The following SNX4 variants were observed in gnomAD, a reference collection of about 807,000 sequenced individuals.
The protein encoded by SNX4 is sorting nexin 4.
SNX4 carries 49 observed loss-of-function variants against 70.8 expected under a neutral mutation model. The ratio of observed to expected loss-of-function variants is 0.69; its 90% CI spans 0.55 to 0.88. The LOEUF (loss-of-function observed/expected upper bound fraction) is 0.88, where lower values mean the gene tolerates loss of function less well. SNX4 is among the 40% of genes least tolerant of loss of function. The pLI is 0.00. For synonymous variants in SNX4, 206 were observed against 183.8 expected, an observed-to-expected ratio of 1.12 and a Z score of -0.98; for missense variants, 528 against 544.8, an observed-to-expected ratio of 0.97 and a Z score of 0.31.
At chr3:125,453,730 A>AAAAG (rs1553724694) in intron 12 of SNX4, 80 bp downstream of exon 12, 2 of 1,327,620 alleles carry the variant, frequency 1.5e-6, no homozygotes, top group African/African-American at 3.0e-5. Flanking sequence ...AATTGTTACC[A>AAAAG]AAATAAATAA....
intron 1 of SNX4, among the ~76,000 whole-genome samples, chr3:125,519,306 C>A (rs538120321): frequency 6.6e-6 from 1 of 152,164 alleles, no homozygotes; most frequent in South Asian, 2.1e-4. Flanking sequence ...TACATTTTTC[C>A]CCTTTTCCTC....
chr3:125,460,655 T>C (rs2107530075), intron 10 of SNX4, 116 bp downstream of exon 10: 2 of 477,882 alleles, frequency 4.2e-6, no homozygotes, highest in South Asian at 8.2e-5. Flanking sequence ...ACCTCATTCA[T>C]TATCTGAGGG....
Position 125,478,551 on chromosome 3 carries a change from A to T in SNX4, c.726+1696T>A, listed in dbSNP as rs533147824. Among the ~76,000 whole-genome samples the T allele has an allele frequency of 9.9e-5, 15 of 151,856 alleles. 1 individual carries two copies. The highest frequency in any genetic ancestry group is 3.4e-4 in the African/African-American group (14 of 41,430). The stretch of plus-strand genomic sequence containing the variant: ...TATGAATCATGACTGCTCAAGGGAG[A>T]TACGGTTTGCAGTAGGGAACATCTT... On this transcript the variant is annotated intron_variant, in intron 7 of 13. Transcript: ENST00000251775.
rs536947662 is a variant in SNX4 at position 125,486,578 on chromosome 3, A to T, written c.653+2830T>A. Among the ~76,000 whole-genome samples, 5 of 152,302 alleles carry T rather than the reference A, an allele frequency of 3.3e-5. No homozygotes were observed. The South Asian group carries it at 8.3e-4, about 25-fold the overall frequency. On this transcript the variant is annotated intron_variant, in intron 6 of 13. Coordinates refer to ENST00000251775, the MANE Select transcript of SNX4 (RefSeq NM_003794.4). The stretch of plus-strand genomic sequence containing the variant: ...GAGGCGGAGCTTGCAGTGAGCTGAG[A>T]TAGCAGCACTGCACTCCAGCCTGGG...
chr3:125,483,262 T>C (rs1934456392), intron 6 of SNX4, among the ~76,000 whole-genome samples: 1 of 152,082 alleles, frequency 6.6e-6, no homozygotes, highest in South Asian at 2.1e-4. Flanking sequence ...TTAGAAGTTT[T>C]ATGATTTGAA....
chr3:125,519,363 TG>T (rs1376928511), intron 1 of SNX4, among the ~76,000 whole-genome samples: 2 of 152,282 alleles, frequency 1.3e-5, no homozygotes, highest in Middle Eastern at 3.4e-3. Context: ...AAAAAGTACA[TG>T]GGTTATCAAT....
chr3:125,490,562 G>T (rs1579997440), intron 5 of SNX4, among the ~76,000 whole-genome samples: 1 of 144,808 alleles, frequency 6.9e-6, no homozygotes, highest in South Asian at 2.3e-4. Flanking sequence ...CATGTACTAA[G>T]TAACACTCTA....
At chr3:125,493,596 G>A (rs1437855487) in intron 5 of SNX4, among the ~76,000 whole-genome samples, 1 of 149,370 alleles carries the variant, frequency 6.7e-6, no homozygotes, top group Non-Finnish European at 1.5e-5. Context: ...GGAGCTTGCA[G>A]TGAACCGAGA....
intron 13 of SNX4, among the ~76,000 whole-genome samples, chr3:125,450,426 C>T (rs1933543859): frequency 6.6e-6 from 1 of 152,084 alleles, no homozygotes; most frequent in African/African-American, 2.4e-5. Flanking sequence ...AATTTTGGGA[C>T]AAACTAAAGC....
chr3:125,480,362 C>A, intron 6 of SNX4, 43 bp from the exon 7 acceptor site: 1 of 1,318,964 alleles, frequency 7.6e-7, no homozygotes. Flanking sequence ...CAAATGAAAA[C>A]AAGCAGTCAA....
intron 9 of SNX4, among the ~76,000 whole-genome samples, chr3:125,462,310 C>T (rs1196514438): frequency 6.6e-6 from 1 of 151,938 alleles, no homozygotes; most frequent in Non-Finnish European, 1.5e-5. Context: ...AATCTAGTGA[C>T]AAGAGAAAAC....
At chr3:125,496,408 A>T (rs1934794993) in intron 5 of SNX4, among the ~76,000 whole-genome samples, 1 of 152,168 alleles carries the variant, frequency 6.6e-6, no homozygotes, top group Non-Finnish European at 1.5e-5. Flanking sequence ...TTTTGTGCCA[A>T]ATTTCAAATA....
At chr3:125,450,406 C>CA (rs1933543528) in intron 13 of SNX4, among the ~76,000 whole-genome samples, 1 of 152,006 alleles carries the variant, frequency 6.6e-6, no homozygotes, top group South Asian at 2.1e-4. Flanking sequence ...GGCCCACAGC[C>CA]AAAAAATAAA....
At chr3:125,463,477 T>G (rs1025872551) in intron 9 of SNX4, among the ~76,000 whole-genome samples, 1 of 152,142 alleles carries the variant, frequency 6.6e-6, no homozygotes, top group African/African-American at 2.4e-5. Context: ...TATTTAACAC[T>G]TTCATAAATC....
chr3:125,464,527 C>T (rs1370718023), intron 9 of SNX4, among the ~76,000 whole-genome samples: 3 of 123,690 alleles, frequency 2.4e-5, no homozygotes, highest in Non-Finnish European at 3.4e-5. Flanking sequence ...GAGTCTATTT[C>T]TGTACAGAAT....
chr3:125,512,644 C>T (rs953401285), intron 1 of SNX4, among the ~76,000 whole-genome samples: 3 of 152,094 alleles, frequency 2.0e-5, no homozygotes, highest in African/African-American at 7.2e-5. Flanking sequence ...TAAAGAGACA[C>T]CTAATTTTTA....
At chr3:125,461,510 G>A (rs947581482) in intron 9 of SNX4, among the ~76,000 whole-genome samples, 2 of 152,144 alleles carry the variant, frequency 1.3e-5, no homozygotes, top group African/African-American at 4.8e-5. Context: ...ACATAAAAGG[G>A]CTACAAAATC....
At position 125,505,411 on chromosome 3, in the gene SNX4, G is replaced by T. The variant is rs370009522; in HGVS notation, c.142-667C>A. 3.3e-5 allele frequency among the ~76,000 whole-genome samples: 5 copies of T among 152,226 alleles called. No individual in the cohort carries two copies. In the East Asian group the frequency reaches 7.7e-4, roughly 23 times the overall value. On this transcript the variant is annotated intron_variant, in intron 1 of 13. Transcript: ENST00000251775. ...ACTGCACTGGCAGACTCTGTCTGATGTAAGTATTTGGGAACTCTGGAGTCC... is the reference window on the plus strand; with the variant it reads ...ACTGCACTGGCAGACTCTGTCTGATTTAAGTATTTGGGAACTCTGGAGTCC...
intron 1 of SNX4, among the ~76,000 whole-genome samples, chr3:125,509,752 CAAAAAAAAA>C (rs202049305): frequency 1.5e-5 from 1 of 68,686 alleles, no homozygotes; most frequent in Admixed American, 1.9e-4. Flanking sequence ...GAATCTGTCT[CAAAAAAAAA>C]AAAAAAAAAA....
Sources: gnomAD v4.1 joint callset for allele counts (sites outside exome capture counted in the v4.1 genomes callset) on GRCh38, gnomAD v4.1.1 for gene constraint, MANE v1.5 for transcripts, NCBI Gene and HGNC (gene_info 2026-07-23, HGNC 2026-07-21) for gene names.